TFEC: variants seen among roughly 807,000 people sequenced by gnomAD.
TFEC encodes the protein transcription factor EC, also known as class E basic helix-loop-helix protein 34.
A neutral mutation model predicts 41.6 loss-of-function variants in TFEC; 31 were observed. That is an observed-to-expected ratio of 0.74 (90% CI 0.56 to 1.01). TFEC has a LOEUF of 1.01. Ranked by LOEUF, TFEC falls within the 50% of genes least tolerant of loss-of-function variation. The pLI is 0.00. For synonymous variants in TFEC, 143 were observed against 140.6 expected, an observed-to-expected ratio of 1.02 and a Z score of -0.12; for missense variants, 402 against 404.1, an observed-to-expected ratio of 0.99 and a Z score of 0.04.
At chr7:116,152,409 G>A (rs929955205) in intron 1 of TFEC, among the ~76,000 whole-genome samples, 1 of 152,202 alleles carries the variant, frequency 6.6e-6, no homozygotes, top group Non-Finnish European at 1.5e-5. Context: ...GCAGGGCAGA[G>A]TTTACCAAAG....
At chr7:116,092,860 A>G (rs1423775897) in intron 3 of TFEC, among the ~76,000 whole-genome samples, 1 of 152,172 alleles carries the variant, frequency 6.6e-6, no homozygotes, top group African/African-American at 2.4e-5. Context: ...CTATGTCCAG[A>G]AAATATACTA....
rs533122004 is a variant in TFEC at position 115,961,030 on chromosome 7, G to A, written c.268-4237C>T. ...AATGTTTAGAACTACAAGGGGAAATGAATAAATACACCAAAAATAGTGGAA... is the reference window on the plus strand; with the variant it reads ...AATGTTTAGAACTACAAGGGGAAATAAATAAATACACCAAAAATAGTGGAA... On this transcript the variant is annotated intron_variant, in intron 3 of 7. Transcript: ENST00000265440. 6.6e-5 allele frequency among the ~76,000 whole-genome samples: 10 copies of A among 151,698 alleles called. 1 individual carries two copies. The East Asian group carries it at 1.9e-3, about 29-fold the overall frequency.
chr7:116,138,622 T>C (rs956810305), intron 1 of TFEC, among the ~76,000 whole-genome samples: 8 of 152,210 alleles, frequency 5.3e-5, no homozygotes, highest in Non-Finnish European at 5.9e-5. Context: ...TTAAAGAACA[T>C]GTATATCTTC....
intron 1 of TFEC, among the ~76,000 whole-genome samples, chr7:116,028,664 G>C (rs1795675756): frequency 6.6e-6 from 1 of 152,116 alleles, no homozygotes; most frequent in African/African-American, 2.4e-5. Context: ...TTTACTGTAA[G>C]AGCTTTCATC....
intron 6 of TFEC, among the ~76,000 whole-genome samples, chr7:115,943,755 G>A (rs989164530): frequency 6.6e-6 from 1 of 151,572 alleles, no homozygotes; most frequent in Non-Finnish European, 1.5e-5. Context: ...AATGTTGATA[G>A]TTGATGCTGG....
chr7:116,159,623 T>C (rs2116509709), intron 1 of TFEC, among the ~76,000 whole-genome samples: 1 of 152,246 alleles, frequency 6.6e-6, no homozygotes, highest in South Asian at 2.1e-4. Context: ...AATAGCAGCA[T>C]TAAAAGTTTT....
chr7:116,032,654 G>A (rs1795814409), upstream of TFEC, among the ~76,000 whole-genome samples: 1 of 152,010 alleles, frequency 6.6e-6, no homozygotes, highest in African/African-American at 2.4e-5. Flanking sequence ...ACACATAGAG[G>A]GGAACAACAC....
intron 3 of TFEC, among the ~76,000 whole-genome samples, chr7:115,965,880 A>G (rs1792821911): frequency 1.3e-5 from 2 of 151,596 alleles, no homozygotes; most frequent in Non-Finnish European, 3.0e-5. Flanking sequence ...TTCATATTTT[A>G]TATCTGATCT....
chr7:116,011,420 C>T (rs575849873), intron 1 of TFEC, among the ~76,000 whole-genome samples: 2 of 151,994 alleles, frequency 1.3e-5, no homozygotes, highest in African/African-American at 4.8e-5. Context: ...TTAAGACTTC[C>T]CTGTATATAA....
chr7:116,145,665 G>C lies in TFEC; in HGVS notation c.-69+14125C>G, dbSNP rs149536779. 3.3e-5 allele frequency among the ~76,000 whole-genome samples: 5 copies of C among 152,318 alleles called. No homozygotes were observed. The East Asian group carries it at 9.7e-4, about 29-fold the overall frequency. ...CAGGTCTCAAGGAGTTTCAGTTTCA[G>C]ACATACTCTCAGGAACCCAAGTTAT... On this transcript the variant is annotated intron_variant, in intron 1 of 8. Coordinates refer to the TFEC transcript ENST00000484212.
At chr7:116,033,381 CAG>C (rs1487491383), upstream of TFEC, among the ~76,000 whole-genome samples, 4 of 152,162 alleles carry the variant, frequency 2.6e-5, no homozygotes, top group East Asian at 7.7e-4. Flanking sequence ...AACTGTAAAA[CAG>C]AGAAACTAAT....
At position 116,088,324 on chromosome 7, in the gene TFEC, T is replaced by TA. The variant is rs374342833; in HGVS notation, c.198+22383dup. 5.8e-4 allele frequency among the ~76,000 whole-genome samples: 88 copies of TA among 152,262 alleles called. 1 individual carries two copies. Among genetic ancestry groups the TA allele is most frequent in the African/African-American group, 2.0e-3 (85 of 41,558 alleles). The stretch of plus-strand genomic sequence containing the variant: ...ATTCTCTTTTCATTGTCTTTCCAAT[T>TA]AGACTGTCAACTCTCTGATAAGAGG... On this transcript the variant is annotated intron_variant, in intron 3 of 8. Transcript: ENST00000484212.
chr7:115,962,122 G>C (rs1792588118), intron 3 of TFEC, among the ~76,000 whole-genome samples: 1 of 151,492 alleles, frequency 6.6e-6, no homozygotes, highest in Non-Finnish European at 1.5e-5. Flanking sequence ...AAATACTTAG[G>C]AATAAACTTA....
intron 1 of TFEC, among the ~76,000 whole-genome samples, chr7:116,143,500 CA>C (rs1337183648): frequency 6.6e-6 from 1 of 152,118 alleles, no homozygotes; most frequent in African/African-American, 2.4e-5. Flanking sequence ...ATGAAAGGGA[CA>C]AACATCAGTC....
chr7:116,101,381 GA>G (rs1208677801), intron 3 of TFEC, among the ~76,000 whole-genome samples: 1 of 152,070 alleles, frequency 6.6e-6, no homozygotes, highest in Non-Finnish European at 1.5e-5. Flanking sequence ...GATAAAAGGG[GA>G]AAAGTTAATA....
intron 1 of TFEC, among the ~76,000 whole-genome samples, chr7:116,150,703 G>A (rs1195575147): frequency 6.6e-6 from 1 of 151,814 alleles, no homozygotes; most frequent in African/African-American, 2.4e-5. Context: ...GTATAGTTAG[G>A]GGAATGCTAT....
intron 4 of TFEC, among the ~76,000 whole-genome samples, chr7:115,956,101 T>G (rs1792210509): frequency 6.6e-6 from 1 of 152,038 alleles, no homozygotes; most frequent in African/African-American, 2.4e-5. Context: ...CTGGGTTGAT[T>G]TCCTCATTTA....
Position 116,009,482 on chromosome 7 carries a change from A to G in TFEC, c.-73+21151T>C, listed in dbSNP as rs192172004. ...AATCTGCAAATATTTTTGAGTGTCT[A>G]CTACATATCATGTTTCATATTACTG... On this transcript the variant is annotated intron_variant, in intron 1 of 7. Transcript: ENST00000265440. 2.0e-5 allele frequency among the ~76,000 whole-genome samples: 3 copies of G among 152,302 alleles called. No individual in the cohort carries two copies. The East Asian group carries it at 5.8e-4, about 29-fold the overall frequency.
At chr7:116,004,459 T>A (rs1219014788) in intron 1 of TFEC, among the ~76,000 whole-genome samples, 1 of 152,134 alleles carries the variant, frequency 6.6e-6, no homozygotes, top group Non-Finnish European at 1.5e-5. Flanking sequence ...CTTTGGGTGA[T>A]AGTGAAGTGT....
Sources: gnomAD v4.1 joint callset for allele counts (sites outside exome capture counted in the v4.1 genomes callset) on GRCh38, gnomAD v4.1.1 for gene constraint, MANE v1.5 for transcripts, NCBI Gene and HGNC (gene_info 2026-07-23, HGNC 2026-07-21) for gene names.